FRMD4A: variants seen among roughly 807,000 people sequenced by gnomAD.
FRMD4A encodes FERM domain containing 4A, also known as FERM domain-containing protein 4A.
Under a neutral mutation model 129.1 loss-of-function variants are expected in FRMD4A, and 29 were observed. The ratio of observed to expected loss-of-function variants is 0.22; its 90% confidence interval spans 0.17 to 0.31. The LOEUF is 0.31. Ranked by LOEUF, FRMD4A falls within the 10% of genes least tolerant of loss-of-function variation. FRMD4A has a pLI of 1.00. For synonymous variants in FRMD4A, 634 were observed against 571.6 expected, an observed-to-expected ratio of 1.11 and a Z score of -1.56; for missense variants, 1,272 against 1,375.8, an observed-to-expected ratio of 0.92 and a Z score of 1.19.
At chr10:13,812,270 G>A (rs909474482) in intron 3 of FRMD4A, among the ~76,000 whole-genome samples, 1 of 152,184 alleles carries the variant, frequency 6.6e-6, no homozygotes, top group African/African-American at 2.4e-5. Flanking sequence ...GACATCCAGT[G>A]GTATTTGGAA....
At chr10:13,689,278 G>T (rs1267649336) in intron 15 of FRMD4A, among the ~76,000 whole-genome samples, 1 of 141,412 alleles carries the variant, frequency 7.1e-6, no homozygotes, top group African/African-American at 2.6e-5. Context: ...GGAGCTAGCA[G>T]AAATGTTTAT....
intron 2 of FRMD4A, among the ~76,000 whole-genome samples, chr10:14,116,985 G>A (rs542212398): frequency 1.3e-5 from 2 of 152,370 alleles, no homozygotes; most frequent in Admixed American, 1.3e-4. Flanking sequence ...CTGCAGCAGA[G>A]CTCATCACTG....
chr10:14,064,094 GA>G (rs1417144115), intron 2 of FRMD4A, among the ~76,000 whole-genome samples: 2 of 152,308 alleles, frequency 1.3e-5, no homozygotes, highest in African/African-American at 4.8e-5. Context: ...ATTTTGCTGG[GA>G]AGTGCTCACC....
chr10:14,018,307 T>A (rs2095705510), intron 2 of FRMD4A, among the ~76,000 whole-genome samples: 1 of 147,912 alleles, frequency 6.8e-6, no homozygotes. Context: ...AAAAAAAAAA[T>A]TAGCCGGGCA....
In FRMD4A at chr10:13,657,491, T is replaced by G; in HGVS notation, c.2098A>C (p.Ser700Arg). The G allele has an allele frequency of 6.2e-7, 1 of 1,604,002 alleles. No homozygotes were observed. The highest frequency in any genetic ancestry group is 8.5e-7 in the Non-Finnish European group (1 of 1,177,348). ...SVDISPTRLH[S>R]LALHFRHRSS... The stretch of plus-strand genomic sequence containing the variant: ...CGGTGCCTAAAGTGCAGTGCGAGGC[T>G]GTGCAGTCGGGTGGGGCTGATGTCC... The change falls in exon 22 of 25, where the codon AGC (serine) becomes CGC (arginine). Residue 700 changes from serine (S) to arginine (R), a missense_variant. Coordinates refer to ENST00000357447, the MANE Select transcript of FRMD4A (RefSeq NM_018027.5).
intron 2 of FRMD4A, among the ~76,000 whole-genome samples, chr10:13,987,422 C>T (rs1051709372): frequency 2.6e-5 from 4 of 152,222 alleles, no homozygotes; most frequent in South Asian, 2.1e-4. Context: ...ACCATGAGGG[C>T]CCACTTACAG....
intron 2 of FRMD4A, among the ~76,000 whole-genome samples, chr10:14,201,843 C>T (rs373127020): frequency 2.0e-5 from 3 of 152,302 alleles, no homozygotes; most frequent in African/African-American, 7.2e-5. Flanking sequence ...TTAAAATTCA[C>T]GTGGAGGCTG....
chr10:13,702,345 T>A (rs1290503415), intron 13 of FRMD4A, among the ~76,000 whole-genome samples: 1 of 152,200 alleles, frequency 6.6e-6, no homozygotes, highest in African/African-American at 2.4e-5. Flanking sequence ...ATTACAGGCA[T>A]GAGCCACCGC....
At chr10:13,823,921 G>A (rs908158187) in intron 3 of FRMD4A, among the ~76,000 whole-genome samples, 4 of 152,194 alleles carry the variant, frequency 2.6e-5, no homozygotes, top group Non-Finnish European at 4.4e-5. Flanking sequence ...TGTAACGGAC[G>A]GAAGGTGTGG....
chr10:14,092,091 C>T (rs887350704), intron 2 of FRMD4A, among the ~76,000 whole-genome samples: 49 of 152,130 alleles, frequency 3.2e-4, no homozygotes, highest in African/African-American at 1.0e-3. Context: ...TTTTCTACCC[C>T]GACTCAAATC....
chr10:14,213,235 C>T (rs1564391398), intron 2 of FRMD4A, among the ~76,000 whole-genome samples: 2 of 152,078 alleles, frequency 1.3e-5, no homozygotes, highest in African/African-American at 4.8e-5. Context: ...CAGAGAAAGA[C>T]CCTGTCTCTA....
chr10:13,688,706 TC>T (rs1365521291), intron 15 of FRMD4A, among the ~76,000 whole-genome samples: 1 of 151,802 alleles, frequency 6.6e-6, no homozygotes, highest in Non-Finnish European at 1.5e-5. Flanking sequence ...GATATTGACT[TC>T]TTTTTTATTT....
rs1842862859 is a variant in FRMD4A at position 14,209,000 on chromosome 10, G to A, written c.45+121058C>T. On this transcript the variant is annotated intron_variant, in intron 2 of 24. Transcript: ENST00000357447. The stretch of plus-strand genomic sequence containing the variant: ...GAGGCCCGTGGTAGGGAGGCTGTGG[G>A]AGAGGTCAGGCACTGTATACCTTCC... 2.6e-5 allele frequency among the ~76,000 whole-genome samples: 4 copies of A among 152,124 alleles called. 1 individual carries two copies. The highest frequency in any genetic ancestry group is 2.6e-4 in the Admixed American group (4 of 15,272).
chr10:14,139,434 T>A (rs1839719649), intron 2 of FRMD4A, among the ~76,000 whole-genome samples: 1 of 86,006 alleles, frequency 1.2e-5, no homozygotes, highest in Non-Finnish European at 3.0e-5. Flanking sequence ...AAAACATATT[T>A]CTTTTTTTAT....
chr10:14,323,400 G>A (rs900360447), intron 2 of FRMD4A, among the ~76,000 whole-genome samples: 1 of 152,104 alleles, frequency 6.6e-6, no homozygotes, highest in African/African-American at 2.4e-5. Flanking sequence ...TTTTACAGAC[G>A]GTGAGATTTG....
At chr10:14,125,617 C>T (rs1838787651) in intron 2 of FRMD4A, among the ~76,000 whole-genome samples, 1 of 152,188 alleles carries the variant, frequency 6.6e-6, no homozygotes, top group Non-Finnish European at 1.5e-5. Flanking sequence ...CTGACCTCCA[C>T]AATGCTGGAG....
At chr10:14,329,342 G>C (rs1428960757) in intron 2 of FRMD4A, among the ~76,000 whole-genome samples, 1 of 152,226 alleles carries the variant, frequency 6.6e-6, no homozygotes, top group Non-Finnish European at 1.5e-5. Flanking sequence ...GCTGAACCTA[G>C]TGTCAAGCCA....
intron 2 of FRMD4A, among the ~76,000 whole-genome samples, chr10:14,147,504 C>A (rs1341243087): frequency 2.0e-5 from 3 of 151,970 alleles, no homozygotes; most frequent in African/African-American, 7.3e-5. Context: ...ATACAACTCG[C>A]CATAATGTAG....
At chr10:14,176,638 C>T (rs577193236) in intron 2 of FRMD4A, among the ~76,000 whole-genome samples, 7 of 151,962 alleles carry the variant, frequency 4.6e-5, no homozygotes, top group South Asian at 2.1e-4. Context: ...CCACTCCCAG[C>T]TAATTTTTGT....
Sources: allele counts gnomAD v4.1 joint callset (sites outside exome capture counted in the v4.1 genomes callset), GRCh38; gene constraint gnomAD v4.1.1; transcripts MANE v1.5; gene names NCBI Gene and HGNC (gene_info 2026-07-23, HGNC 2026-07-21).